The following CFAP43 variants were observed in gnomAD, a reference collection of about 807,000 sequenced individuals.
CFAP43 encodes cilia- and flagella-associated protein 43.
CFAP43 carries 155 observed loss-of-function variants against 218.9 expected under a neutral mutation model. That is an observed-to-expected ratio of 0.71 (90% CI 0.62 to 0.81). The LOEUF (loss-of-function observed/expected upper bound fraction) is 0.81, where lower values mean the gene tolerates loss of function less well. CFAP43 is among the 30% of genes least tolerant of loss of function. The probability of loss-of-function intolerance (pLI) is 0.00; values close to 1 mark genes in which losing one functional copy is unlikely to be tolerated. For synonymous variants in CFAP43, 645 were observed against 681.3 expected (o/e 0.95, Z 0.83); for missense variants, 1,778 against 1,954.3 (o/e 0.91, Z 1.70).
intron 11 of CFAP43, chr10:104,192,579 G>A (rs1024085276): frequency 8.4e-6 from 3 of 358,158 alleles, no homozygotes; most frequent in Non-Finnish European, 1.5e-5. Context: ...AATGAAACAT[G>A]TCTGTCGGTA....
chr10:104,227,773 T>C (rs1308042525), intron 2 of CFAP43, among the ~76,000 whole-genome samples: 2 of 151,950 alleles, frequency 1.3e-5, no homozygotes, highest in African/African-American at 4.8e-5. Context: ...TCTAAGTTTT[T>C]GTTTTGTGTG....
intron 10 of CFAP43, 151 bp downstream of exon 10, chr10:104,196,702 A>T: frequency 1.7e-6 from 1 of 595,534 alleles, no homozygotes; most frequent in African/African-American, 1.9e-5. Context: ...CATATACTTT[A>T]CACACAAGGA....
intron 10 of CFAP43, among the ~76,000 whole-genome samples, chr10:104,194,954 T>C (rs113280622): frequency 0.012 from 1,761 of 152,316 alleles, 26 homozygotes; most frequent in African/African-American, 0.036. Flanking sequence ...TTTTGTAAAA[T>C]TGAAAACCTC....
chr10:104,185,427 G>C (rs1340181973), intron 15 of CFAP43, among the ~76,000 whole-genome samples: 1 of 152,134 alleles, frequency 6.6e-6, no homozygotes, highest in South Asian at 2.1e-4. Context: ...ACACAGAGAA[G>C]TGAATGGATT....
At chr10:104,228,678 A>G (rs912909789) in intron 2 of CFAP43, among the ~76,000 whole-genome samples, 15 of 152,132 alleles carry the variant, frequency 9.9e-5, no homozygotes, top group African/African-American at 3.6e-4. Context: ...TTTTAAATCA[A>G]TGATTTTTGT....
chr10:104,153,290 T>C (rs2088368144), intron 27 of CFAP43, among the ~76,000 whole-genome samples: 1 of 152,180 alleles, frequency 6.6e-6, no homozygotes, highest in African/African-American at 2.4e-5. Flanking sequence ...AAGTGAAATA[T>C]AAATTTATAT....
At chr10:104,208,757 C>G (rs2090770337) in intron 5 of CFAP43, among the ~76,000 whole-genome samples, 1 of 152,026 alleles carries the variant, frequency 6.6e-6, no homozygotes. Flanking sequence ...ATTTGAGTCT[C>G]TAAAAGAGAT....
intron 3 of CFAP43, 90 bp downstream of exon 3, chr10:104,225,371 T>A: frequency 9.8e-7 from 1 of 1,022,860 alleles, no homozygotes; most frequent in Non-Finnish European, 1.4e-6. Flanking sequence ...TGTTTCAGAT[T>A]TTTCATGTCT....
chr10:104,140,864 T>C lies in CFAP43; in HGVS notation c.4409A>G (p.Glu1470Gly), dbSNP rs370864041. The C allele has an allele frequency of 1.4e-5, 22 of 1,601,692 alleles. No individual in the cohort carries two copies. In the African/African-American group the frequency reaches 2.2e-4, roughly 16 times the overall value. Reference protein sequence around the residue: ...DAILINKNIIEDLNSVIRTQG... With the variant: ...DAILINKNIIGDLNSVIRTQG... ...TACCCGAATCACAGAATTCAAGTCT[T>C]CAATTATGTTCTTGTTGATGAGAAT... The change falls in exon 34 of 38, where the codon GAA becomes GGA. Residue 1470 changes from glutamate to glycine, a missense_variant. Glu to Gly is a moderately conservative substitution (Grantham distance 98). Coordinates refer to ENST00000357060, the MANE Select transcript of CFAP43 (RefSeq NM_025145.7).
At chr10:104,132,301 A>G (rs1006173452) in intron 35 of CFAP43, 105 bp from the exon 36 acceptor site, 1 of 869,094 alleles carries the variant, frequency 1.2e-6, no homozygotes, top group East Asian at 2.7e-5. Flanking sequence ...CATAACAAAT[A>G]TCTATGCAAG....
chr10:104,176,815 G>A (rs1180218878), intron 19 of CFAP43, among the ~76,000 whole-genome samples: 2 of 151,824 alleles, frequency 1.3e-5, no homozygotes, highest in African/African-American at 4.8e-5. Flanking sequence ...GGTTACATGG[G>A]AATGAAATAA....
At position 104,166,687 on chromosome 10, in the gene CFAP43, C is replaced by T. The variant is rs772920084; in HGVS notation, c.2840G>A (p.Gly947Glu). 3 of 1,612,210 alleles carry T rather than the reference C, an allele frequency of 1.9e-6. No homozygotes were observed. The highest frequency in any genetic ancestry group is 2.5e-6 in the Non-Finnish European group (3 of 1,179,398). ...ATGACGCTGTTTAATCAACTTAACT[C>T]CAGACTGAGCCTCTACAATTTCCTT... ...LRKEIVEAQS[G>E]VKLIKQRHEE... The change falls in exon 23 of 38, where the codon GGA becomes GAA. Residue 947 changes from glycine (G) to glutamate (E), a missense_variant. Physicochemically the swap from Gly to Glu is moderately conservative, Grantham distance 98. This residue lies in a region of CFAP43 where 1,553 missense variants were observed against 1,685.2 expected (regional missense o/e 0.92). Transcript: ENST00000357060.
chr10:104,153,880 G>C (rs910210592), intron 27 of CFAP43, among the ~76,000 whole-genome samples: 24 of 143,534 alleles, frequency 1.7e-4, no homozygotes, highest in African/African-American at 6.3e-4. Context: ...GCAGACACTT[G>C]AGGACAGGCC....
At chr10:104,172,654 G>T (rs2089458960) in intron 19 of CFAP43, 119 bp from the exon 20 acceptor site, 2 of 827,292 alleles carry the variant, frequency 2.4e-6, no homozygotes, top group East Asian at 3.1e-5. Flanking sequence ...TTATCAAAAT[G>T]TACTACTAAG....
intron 2 of CFAP43, among the ~76,000 whole-genome samples, chr10:104,230,182 T>C (rs2091412492): frequency 6.7e-6 from 1 of 148,748 alleles, no homozygotes; most frequent in East Asian, 2.0e-4. Flanking sequence ...AAAAAAAAAA[T>C]GGGGCCAGGC....
Position 104,172,426 on chromosome 10 carries a change from T to C in CFAP43, c.2570A>G (p.Gln857Arg), listed in dbSNP as rs199643432. Reference protein sequence around the residue: ...EELERLHDESQEEVAKMIKDV... With the variant: ...EELERLHDESREEVAKMIKDV... The stretch of plus-strand genomic sequence containing the variant: ...TTTTCATACCTTTGCCACTTCTTCC[T>C]GACTTTCATCATGAAGCCTTTCTAG... The change falls in exon 20 of 38, where the codon CAG (glutamine) becomes CGG (arginine). Residue 857 changes from glutamine to arginine, a missense_variant. Transcript: ENST00000357060. 16 of 1,608,638 alleles carry C rather than the reference T, an allele frequency of 9.9e-6. No homozygotes were observed. The highest frequency in any genetic ancestry group is 1.3e-5 in the Non-Finnish European group (15 of 1,178,748).
rs777459231 is a variant in CFAP43, at chr10:104,164,106, C to A, written c.3234G>T (p.Val1078=). The A allele has an allele frequency of 6.2e-7, 1 of 1,614,154 alleles. No individual in the cohort carries two copies. The highest frequency in any genetic ancestry group is 1.1e-5 in the South Asian group (1 of 91,064). The change falls in exon 24 of 38, where the codon GTG becomes GTT. Residue 1078 remains valine (V), a synonymous_variant. Transcript: ENST00000357060. ...AGCTAGCCAGTACCTCCTCATCTTG[C>A]ACAACAAGCGTTCTCTCTGGCTTCT... ...DCEKPERTLV[V]QDEEITAHKH... is the part of the protein sequence containing the mutation.
At chr10:104,167,548 T>A in intron 22 of CFAP43, 73 bp downstream of exon 22, 1 of 1,198,244 alleles carries the variant, frequency 8.3e-7, no homozygotes, top group Non-Finnish European at 1.1e-6. Context: ...ACATCCCAAC[T>A]CAAACCTGAA....
chr10:104,175,944 C>T (rs753160791), intron 19 of CFAP43, among the ~76,000 whole-genome samples: 38 of 152,168 alleles, frequency 2.5e-4, no homozygotes, highest in Non-Finnish European at 5.0e-4. Flanking sequence ...ATAAATTCTT[C>T]TCCAAATCAA....
Sources: allele counts gnomAD v4.1 joint callset (sites outside exome capture counted in the v4.1 genomes callset), GRCh38; gene constraint gnomAD v4.1.1; regional missense constraint gnomAD v4.1.1; transcripts MANE v1.5; gene names NCBI Gene and HGNC (gene_info 2026-07-23, HGNC 2026-07-21).